Variants in ABCB5 observed in about 807,000 individuals in gnomAD.
ABCB5 encodes the protein ATP binding cassette subfamily B member 5.
Under a neutral mutation model 144.2 loss-of-function variants are expected in ABCB5, and 155 were observed. The ratio of observed to expected loss-of-function variants is 1.08; its 90% CI spans 0.94 to 1.23. ABCB5 has a LOEUF of 1.23. Among genes scored for constraint, ABCB5 ranks in the 50% most tolerant of loss-of-function variants. ABCB5 has a pLI of 0.00. For missense variants in ABCB5, 1,830 were observed against 1,520.8 expected (o/e 1.20, Z -3.38); for synonymous variants, 610 against 528.6 (o/e 1.15, Z -2.11).
chr7:20,658,744 T>A, intron 14 of ABCB5, 68 bp downstream of exon 14: 8 of 1,544,220 alleles, frequency 5.2e-6, no homozygotes, highest in Admixed American at 1.9e-5. Flanking sequence ...TACAAGAAAG[T>A]ATAGATCTGT....
chr7:20,618,764 C>CTT (rs59970398), intron 1 of ABCB5, among the ~76,000 whole-genome samples: 801 of 51,578 alleles, frequency 0.016, 228 homozygotes, highest in African/African-American at 0.027. Context: ...GCTGCATTTT[C>CTT]TTTTTTTTTT....
At chr7:20,709,806 C>T (rs1371146348) in intron 20 of ABCB5, among the ~76,000 whole-genome samples, 1 of 149,624 alleles carries the variant, frequency 6.7e-6, no homozygotes, top group Non-Finnish European at 1.5e-5. Flanking sequence ...TAAGGCTGGG[C>T]AAGGTGGCTC....
chr7:20,640,566 A>G (rs1330470460), intron 5 of ABCB5, among the ~76,000 whole-genome samples: 2 of 152,224 alleles, frequency 1.3e-5, no homozygotes, highest in Non-Finnish European at 2.9e-5. Flanking sequence ...ATCATCAACA[A>G]AAAGCACAAA....
intron 13 of ABCB5, among the ~76,000 whole-genome samples, chr7:20,655,476 G>A (rs949952226): frequency 5.3e-5 from 8 of 150,904 alleles, no homozygotes; most frequent in Admixed American, 1.3e-4. Context: ...CTGCTCCCCC[G>A]CACCTCCCCC....
chr7:20,711,549 C>T (rs927296308), intron 20 of ABCB5, among the ~76,000 whole-genome samples: 2 of 147,860 alleles, frequency 1.4e-5, no homozygotes, highest in African/African-American at 5.0e-5. Context: ...GCAGCCTTGA[C>T]CTACCAGGCT....
Position 20,658,510 on chromosome 7 carries a change from T to G in ABCB5, c.1541T>G (p.Phe514Cys). Reference protein sequence around the residue: ...YDFIMEFPNKFNTLVGEKGAQ... With the variant: ...YDFIMEFPNKCNTLVGEKGAQ... ...TTCTTTCCTATTTTTCATTAGAAAT[T>G]TAATACATTGGTAGGGGAAAAAGGA... is the stretch of plus-strand genomic sequence containing the variant. The change falls in exon 14 of 28, where the codon TTT becomes TGT. Residue 514 changes from phenylalanine (F) to cysteine (C), a missense_variant. Physicochemically the swap from Phe to Cys is radical, Grantham distance 205 (BLOSUM62 -2). Coordinates refer to ENST00000404938, the MANE Select transcript of ABCB5 (RefSeq NM_001163941.2). The G allele has an allele frequency of 5.0e-6, 8 of 1,612,602 alleles. No individual in the cohort carries two copies. Among genetic ancestry groups the G allele is most frequent in the Non-Finnish European group, 6.8e-6 (8 of 1,179,496 alleles).
intron 14 of ABCB5, among the ~76,000 whole-genome samples, chr7:20,675,727 C>T (rs1482586894): frequency 6.8e-6 from 1 of 146,162 alleles, no homozygotes; most frequent in Non-Finnish European, 1.5e-5. Context: ...AGGTAGCCTA[C>T]AAAAAGGAAA....
At chr7:20,616,327 C>A (rs552035094) in intron 1 of ABCB5, among the ~76,000 whole-genome samples, 1 of 152,198 alleles carries the variant, frequency 6.6e-6, no homozygotes, top group Non-Finnish European at 1.5e-5. Context: ...TGAGCCACTG[C>A]GCCCAGCCAT....
intron 19 of ABCB5, 129 bp downstream of exon 19, chr7:20,700,264 A>T (rs1786575164): frequency 2.5e-6 from 2 of 791,202 alleles, no homozygotes; most frequent in South Asian, 5.3e-5. Context: ...TGTTCTAAGC[A>T]GCAAAAATCT....
At position 20,626,540 on chromosome 7, in the gene ABCB5, G is replaced by A. The variant is rs1368182308; in HGVS notation, c.54-17G>A. 1.0e-5 allele frequency: 16 copies of A among 1,598,292 alleles called. No homozygotes were observed. The highest frequency in any genetic ancestry group is 1.3e-5 in the African/African-American group (1 of 74,706). ...ATTCACATTGTAACTGCTGCATTTT[G>A]AACTTTTATTTTCCAGAACTGCAGA... On this transcript the variant is annotated splice_polypyrimidine_tract_variant and intron_variant, in intron 2 of 27. Transcript: ENST00000404938.
In ABCB5 at chr7:20,728,445, G is replaced by A. The variant is rs754850990; in HGVS notation, c.2857G>A (p.Gly953Ser). ...TCAAGCTGGACGAATGACCCCAGAG[G>A]GCATGTTCATGTAAGTCGTGGAAAT... is the stretch of plus-strand genomic sequence containing the variant. Reference protein sequence around the residue: ...LIQAGRMTPEGMFIVFTAIAY... With the variant: ...LIQAGRMTPESMFIVFTAIAY... The change falls in exon 23 of 28, where the codon GGC (glycine) becomes AGC (serine). Residue 953 changes from glycine (G) to serine (S), a missense_variant. Gly to Ser is a moderately conservative substitution (Grantham distance 56). Coordinates refer to ENST00000404938, the MANE Select transcript of ABCB5 (RefSeq NM_001163941.2). 6.8e-6 allele frequency: 11 copies of A among 1,614,024 alleles called. No individual in the cohort carries two copies. The highest frequency in any genetic ancestry group is 9.3e-6 in the Non-Finnish European group (11 of 1,179,960).
intron 16 of ABCB5, among the ~76,000 whole-genome samples, chr7:20,695,186 T>A (rs943150190): frequency 2.0e-4 from 31 of 151,992 alleles, no homozygotes; most frequent in Admixed American, 2.0e-3. Context: ...TATAGAACTA[T>A]AGTAATCAAA....
rs779852805 is a variant in ABCB5, at chr7:20,745,342, C to T, written c.3333C>T (p.Ile1111=). ...VLFNCSIAEN[I]AYGDNSRVVP... ...TCAACTGCAGCATTGCTGAGAACAT[C>T]GCCTATGGTGACAACAGCCGTGTGG... is the stretch of plus-strand genomic sequence containing the variant. The change falls in exon 26 of 28, where the codon ATC becomes ATT. Residue 1111 remains isoleucine (I), a synonymous_variant. Transcript: ENST00000404938. 13 of 1,613,972 alleles carry T rather than the reference C, an allele frequency of 8.1e-6. No homozygotes were observed. The highest frequency in any genetic ancestry group is 1.3e-5 in the African/African-American group (1 of 74,900).
intron 14 of ABCB5, among the ~76,000 whole-genome samples, chr7:20,673,988 T>C (rs945790389): frequency 6.6e-6 from 1 of 151,980 alleles, no homozygotes; most frequent in Non-Finnish European, 1.5e-5. Flanking sequence ...TAAGACAATC[T>C]ACCTTCAAGT....
chr7:20,660,346 T>A (rs1182834114), intron 14 of ABCB5: 2 of 985,322 alleles, frequency 2.0e-6, no homozygotes, highest in Non-Finnish European at 2.4e-6. Flanking sequence ...TTACTGTCCC[T>A]GTTTTTCAGT....
intron 14 of ABCB5, among the ~76,000 whole-genome samples, chr7:20,668,801 A>G (rs1785333149): frequency 7.9e-6 from 1 of 126,266 alleles, no homozygotes; most frequent in South Asian, 3.0e-4. Context: ...CCTACTGGGA[A>G]GTGAGGAGCC....
rs1234441833 is a variant in ABCB5, at chr7:20,660,253, G to GA, written c.1707+1584dup. ...CAAAATTACACAAAATAGCAACTGTGAAAAAAATGAAGGCAATATATGAAA... is the reference window on the plus strand; with the variant it reads ...CAAAATTACACAAAATAGCAACTGTGAAAAAAAATGAAGGCAATATATGAAA... On this transcript the variant is annotated intron_variant, in intron 14 of 27. Transcript: ENST00000404938. 5 of 985,116 alleles carry GA rather than the reference G, an allele frequency of 5.1e-6. No individual in the cohort carries two copies. The African/African-American group carries it at 5.2e-5, about 10-fold the overall frequency. 61.0% of individuals were successfully genotyped at this position (985,116 alleles called of 1,614,324 possible).
intron 20 of ABCB5, among the ~76,000 whole-genome samples, chr7:20,705,455 T>G (rs1786790434): frequency 6.6e-6 from 1 of 152,144 alleles, no homozygotes. Flanking sequence ...TTTAACAAAA[T>G]TCACCTTTGT....
At chr7:20,686,878 C>T (rs1214166856) in intron 16 of ABCB5, among the ~76,000 whole-genome samples, 1 of 152,084 alleles carries the variant, frequency 6.6e-6, no homozygotes, top group African/African-American at 2.4e-5. Context: ...TGCCTGAAGC[C>T]CCTGGATTAT....
Sources: gnomAD v4.1 joint callset for allele counts (sites outside exome capture counted in the v4.1 genomes callset) on GRCh38, gnomAD v4.1.1 for gene constraint, MANE v1.5 for transcripts, NCBI Gene and HGNC (gene_info 2026-07-23, HGNC 2026-07-21) for gene names.